The following PCDHGB2 variants were observed in gnomAD, a reference collection of about 807,000 sequenced individuals.
The protein encoded by PCDHGB2 is protocadherin gamma subfamily B, 2.
PCDHGB2 carries 55 observed loss-of-function variants against 59.3 expected under a neutral mutation model. That is an observed-to-expected ratio of 0.93 (90% confidence interval 0.75 to 1.16). PCDHGB2 has a LOEUF of 1.16. PCDHGB2 is among the 50% of genes most tolerant of loss of function. The pLI, the probability that PCDHGB2 is intolerant of heterozygous loss-of-function variation, is 0.00. For missense variants in PCDHGB2, 1,228 were observed against 1,198.5 expected (o/e 1.02, Z -0.36); for synonymous variants, 516 against 512.0 (o/e 1.01, Z -0.11).
intron 1 of PCDHGB2, chr5:141,372,682 C>A (rs1169357229): frequency 1.9e-6 from 3 of 1,614,010 alleles, no homozygotes; most frequent in Non-Finnish European, 2.5e-6. Flanking sequence ...TCCTCAAACA[C>A]CGAGTTTAAA....
chr5:141,509,298 C>A (rs974744333), intron 3 of PCDHGB2, among the ~76,000 whole-genome samples: 1 of 152,180 alleles, frequency 6.6e-6, no homozygotes, highest in Non-Finnish European at 1.5e-5. Flanking sequence ...AGGGTGGAGG[C>A]AGAGGGAGGC....
chr5:141,366,199 G>A, intron 1 of PCDHGB2: 3 of 1,613,876 alleles, frequency 1.9e-6, no homozygotes, highest in Non-Finnish European at 2.5e-6. Flanking sequence ...GGCTGCACAC[G>A]GGCGAGGTGC....
intron 1 of PCDHGB2, among the ~76,000 whole-genome samples, chr5:141,443,514 C>T (rs1386662758): frequency 6.6e-6 from 1 of 152,056 alleles, no homozygotes; most frequent in Non-Finnish European, 1.5e-5. Flanking sequence ...AAGAGCTTCT[C>T]TCCTTATGAC....
At chr5:141,419,753 T>C (rs764151937) in intron 1 of PCDHGB2, 10 of 1,613,856 alleles carry the variant, frequency 6.2e-6, no homozygotes, top group South Asian at 2.2e-5. Context: ...GGTGCGTGCT[T>C]TGGGTGACAA....
intron 1 of PCDHGB2, among the ~76,000 whole-genome samples, chr5:141,443,202 C>T (rs546748238): frequency 2.6e-5 from 4 of 152,172 alleles, no homozygotes; most frequent in Non-Finnish European, 1.5e-5. Flanking sequence ...GTACAAAGAG[C>T]TTGTCTCGCC....
At chr5:141,447,214 A>G (rs2098530358) in intron 1 of PCDHGB2, among the ~76,000 whole-genome samples, 1 of 152,092 alleles carries the variant, frequency 6.6e-6, no homozygotes, top group Admixed American at 6.6e-5. Context: ...ATCTCGGCTC[A>G]CTGCAACCTC....
chr5:141,364,824 A>G, intron 1 of PCDHGB2: 2 of 1,613,612 alleles, frequency 1.2e-6, no homozygotes, highest in Non-Finnish European at 1.7e-6. Context: ...GTGGGTGTGA[A>G]CTCTCTCCGG....
chr5:141,389,704 TG>T (rs1341184136), intron 1 of PCDHGB2: 5 of 1,612,632 alleles, frequency 3.1e-6, no homozygotes, highest in Admixed American at 3.3e-5. Context: ...TACCACGTGC[TG>T]CAGGCTAGCG....
chr5:141,394,536 G>A lies in PCDHGB2; in HGVS notation c.2421+31980G>A. The A allele has an allele frequency of 1.2e-6, 2 of 1,614,188 alleles. No individual in the cohort carries two copies. Among genetic ancestry groups the A allele is most frequent in the Middle Eastern group, 1.7e-4 (1 of 6,058 alleles). Reference sequence around the variant, plus strand: ...CCTCCCCACAGACGGTTCCACTGGCGTGGAGCTGGCGCCCCGCTCCGCAGA... The same window carrying A: ...CCTCCCCACAGACGGTTCCACTGGCATGGAGCTGGCGCCCCGCTCCGCAGA... On this transcript the variant is annotated intron_variant, in intron 1 of 3. Transcript: ENST00000522605.
At chr5:141,456,149 G>A (rs377506220) in intron 1 of PCDHGB2, among the ~76,000 whole-genome samples, 1 of 151,866 alleles carries the variant, frequency 6.6e-6, no homozygotes, top group East Asian at 1.9e-4. Flanking sequence ...CGCCCGCCTC[G>A]GCCTCCTAAA....
chr5:141,427,723 G>A, intron 1 of PCDHGB2: 1 of 1,127,490 alleles, frequency 8.9e-7, no homozygotes, highest in Non-Finnish European at 1.3e-6. Context: ...CTGGACCTAG[G>A]GCTGAATGGC....
intron 1 of PCDHGB2, among the ~76,000 whole-genome samples, chr5:141,438,511 C>G (rs1436337566): frequency 6.8e-6 from 1 of 146,550 alleles, no homozygotes; most frequent in Non-Finnish European, 1.5e-5. Context: ...AGTGCAAAAC[C>G]AATTATTTTA....
chr5:141,486,401 G>T lies in PCDHGB2; in HGVS notation c.2422-8406G>T. 6.2e-7 allele frequency: 1 copy of T among 1,614,174 alleles called. No individual in the cohort carries two copies. On this transcript the variant is annotated intron_variant, in intron 1 of 3. Transcript: ENST00000522605. The surrounding 1 kb of genome is among the most constrained non-coding windows in gnomAD (Gnocchi z 5.0). ...CAGGAACCAGTTCTCCCTGGTGACT[G>T]CTGGACCCTTGGATCGAGAGGCCAA...
chr5:141,428,111 C>G (rs760446304), intron 1 of PCDHGB2: 2 of 1,607,622 alleles, frequency 1.2e-6, no homozygotes, highest in Non-Finnish European at 1.7e-6. Context: ...TGCTGCAGGC[C>G]ATCGAGCCCG....
At chr5:141,462,627 A>T (rs1200455153) in intron 1 of PCDHGB2, among the ~76,000 whole-genome samples, 1 of 150,276 alleles carries the variant, frequency 6.7e-6, no homozygotes, top group East Asian at 1.9e-4. Flanking sequence ...TAGAAGTTCC[A>T]TTTGACTCTT....
intron 1 of PCDHGB2, chr5:141,372,201 T>C: frequency 6.2e-7 from 1 of 1,613,588 alleles, no homozygotes; most frequent in Non-Finnish European, 8.5e-7. Flanking sequence ...ATACAACGCC[T>C]GGCTGTCCTA....
At chr5:141,414,266 C>T in intron 1 of PCDHGB2, 1 of 1,613,254 alleles carries the variant, frequency 6.2e-7, no homozygotes, top group Non-Finnish European at 8.5e-7. Context: ...ACTGAAGATT[C>T]ACCTCTGGGA....
Position 141,431,829 on chromosome 5 carries a change from C to T in PCDHGB2, c.2422-62978C>T, listed in dbSNP as rs758915768. On this transcript the variant is annotated intron_variant, in intron 1 of 3. Transcript: ENST00000522605. The surrounding 1 kb of genome is among the most constrained non-coding windows in gnomAD (Gnocchi z 4.8). ...CTCACCTCTCTCGCCAGCTCGGTTC[C>T]CGAAAACTCTCCCAGAGGGACATTA... The T allele has an allele frequency of 1.9e-6, 3 of 1,613,928 alleles. No individual in the cohort carries two copies. The highest frequency in any genetic ancestry group is 2.2e-5 in the South Asian group (2 of 91,090).
At chr5:141,406,547 A>G (rs1414255326) in intron 1 of PCDHGB2, among the ~76,000 whole-genome samples, 1 of 152,216 alleles carries the variant, frequency 6.6e-6, no homozygotes, top group Non-Finnish European at 1.5e-5. Flanking sequence ...TTCAAACTTC[A>G]GTTATCCACT....
Sources: allele counts gnomAD v4.1 joint callset (sites outside exome capture counted in the v4.1 genomes callset), GRCh38; gene constraint gnomAD v4.1.1; non-coding constraint Gnocchi (gnomAD v3.1); transcripts MANE v1.5; gene names NCBI Gene and HGNC (gene_info 2026-07-23, HGNC 2026-07-21).